Variants in OPHN1 observed in about 807,000 individuals in gnomAD.
OPHN1 encodes oligophrenin 1.
A neutral mutation model predicts 60.7 loss-of-function variants in OPHN1; 11 were observed. The observed-to-expected ratio is 0.18, with a 90% CI of 0.11 to 0.30. The LOEUF is 0.30. Ranked by LOEUF, OPHN1 falls within the 10% of genes least tolerant of loss-of-function variation. OPHN1 has a pLI of 1.00. For synonymous variants in OPHN1, 226 were observed against 222.6 expected (o/e 1.02, Z -0.14); for missense variants, 449 against 611.0 (o/e 0.73, Z 2.80).
At chrX:68,414,803 T>C (rs1432595855) in intron 2 of OPHN1, among the ~76,000 whole-genome samples, 1 of 111,848 alleles carries the variant, frequency 8.9e-6, no homozygotes, top group Non-Finnish European at 1.9e-5. Context: ...CCATTACCAT[T>C]ACTTGCTGAT....
rs778802726 is a variant in OPHN1 at position 68,426,932 on chromosome X, C to T, written c.154+5935G>A. Among the ~76,000 whole-genome samples the T allele has an allele frequency of 4.9e-5, 5 of 102,041 alleles. No individual in the cohort carries two copies. In the South Asian group the frequency reaches 2.3e-3, roughly 48 times the overall value. 88.6% of individuals were successfully genotyped at this position (102,041 alleles called of 115,157 possible). ...AAAACATACTTATAAAGCACATTAT[C>T]CTTGGTTTGGAAAAGGGTATTTAGA... On this transcript the variant is annotated intron_variant, in intron 2 of 24. Transcript: ENST00000355520.
At chrX:68,187,507 CAAAA>C (rs55901805) in intron 15 of OPHN1, among the ~76,000 whole-genome samples, 1 of 80,415 alleles carries the variant, frequency 1.2e-5, no homozygotes, top group Non-Finnish European at 2.5e-5. Context: ...CTGTCTTCTC[CAAAA>C]AAAAAAAAAA....
At chrX:68,117,621 A>G (rs768479456) in intron 16 of OPHN1, among the ~76,000 whole-genome samples, 11 of 112,010 alleles carry the variant, frequency 9.8e-5, no homozygotes, top group Middle Eastern at 4.6e-3. Flanking sequence ...TGAATGAGAG[A>G]GGATAAAAAT....
intron 2 of OPHN1, among the ~76,000 whole-genome samples, chrX:68,376,959 T>G (rs1417028786): frequency 9.6e-6 from 1 of 103,972 alleles, no homozygotes; most frequent in African/African-American, 3.5e-5. Context: ...AGATGGAGTC[T>G]CACTCTATCA....
At chrX:68,218,596 C>G (rs1488934077) in intron 6 of OPHN1, among the ~76,000 whole-genome samples, 1 of 110,318 alleles carries the variant, frequency 9.1e-6, no homozygotes, top group Non-Finnish European at 1.9e-5. Context: ...AGAAACCCTA[C>G]AAGCCAGAAG....
chrX:68,306,072 C>T (rs754381340), intron 2 of OPHN1, among the ~76,000 whole-genome samples: 1 of 112,196 alleles, frequency 8.9e-6, no homozygotes, highest in Non-Finnish European at 1.9e-5. Context: ...TGAATAAATT[C>T]TTCCACTCTT....
intron 15 of OPHN1, among the ~76,000 whole-genome samples, chrX:68,122,190 A>T (rs1050353947): frequency 8.9e-6 from 1 of 111,780 alleles, no homozygotes; most frequent in Non-Finnish European, 1.9e-5. Flanking sequence ...AGGAAAGAAA[A>T]CAAGAGTCTC....
intron 5 of OPHN1, among the ~76,000 whole-genome samples, chrX:68,260,659 T>C (rs1260333952): frequency 8.9e-6 from 1 of 111,886 alleles, no homozygotes; most frequent in Non-Finnish European, 1.9e-5. Context: ...GTAGTTATTA[T>C]TGTAAGGCTT....
At chrX:68,242,999 C>G (rs2077788940) in intron 5 of OPHN1, among the ~76,000 whole-genome samples, 1 of 111,092 alleles carries the variant, frequency 9.0e-6, no homozygotes, top group Admixed American at 9.6e-5. Context: ...TCCCACGTAG[C>G]TAGGACTACA....
intron 2 of OPHN1, among the ~76,000 whole-genome samples, chrX:68,397,524 ATTTTTTT>A (rs753432008): frequency 3.2e-5 from 1 of 31,558 alleles, no homozygotes; most frequent in Admixed American, 5.6e-4. Flanking sequence ...TTATTTATTT[ATTTTTTT>A]TTTTTTTTTG....
intron 2 of OPHN1, among the ~76,000 whole-genome samples, chrX:68,389,119 T>TC (rs1209147225): frequency 1.7e-5 from 1 of 59,185 alleles, no homozygotes; most frequent in Non-Finnish European, 4.5e-5. Flanking sequence ...CAACTCTGGC[T>TC]AATTTTTTTT....
At chrX:68,415,004 C>T (rs1321567924) in intron 2 of OPHN1, among the ~76,000 whole-genome samples, 1 of 112,272 alleles carries the variant, frequency 8.9e-6, no homozygotes, top group Non-Finnish European at 1.9e-5. Flanking sequence ...GTTTCTACTG[C>T]TCTCAAAAGG....
chrX:68,222,085 A>G (rs1429010929), intron 6 of OPHN1, among the ~76,000 whole-genome samples: 1 of 108,283 alleles, frequency 9.2e-6, no homozygotes, highest in Non-Finnish European at 1.9e-5. Flanking sequence ...TTTACAAGAA[A>G]AAAACAAACA....
chrX:68,109,707 T>C, intron 18 of OPHN1, among the ~76,000 whole-genome samples: 1 of 111,956 alleles, frequency 8.9e-6, no homozygotes, highest in East Asian at 2.8e-4. Flanking sequence ...AGCTAGCATA[T>C]TATAAACCTT....
At position 68,232,379 on chromosome X, in the gene OPHN1, C is replaced by G. The variant is rs747021832; in HGVS notation, c.486+2108G>C. ...TGCCTGGGGCAAAATGCAGAGGAAG[C>G]TAGGTAAAAGCTTCCAAAAGATCTC... On this transcript the variant is annotated intron_variant, in intron 6 of 24. Transcript: ENST00000355520. Among the ~76,000 whole-genome samples the G allele has an allele frequency of 4.5e-5, 5 of 111,586 alleles. No homozygotes were observed. In the South Asian group the frequency reaches 1.9e-3, roughly 43 times the overall value.
chrX:68,322,931 G>A (rs1602324796), intron 2 of OPHN1, among the ~76,000 whole-genome samples: 1 of 112,042 alleles, frequency 8.9e-6, no homozygotes, highest in East Asian at 2.8e-4. Flanking sequence ...GTCACATACT[G>A]TATGATTCCA....
chrX:68,081,614 C>A (rs1390632756), intron 19 of OPHN1, among the ~76,000 whole-genome samples: 2 of 111,470 alleles, frequency 1.8e-5, no homozygotes, highest in Non-Finnish European at 3.8e-5. Context: ...TAGCATGATT[C>A]CTAAAAATAA....
At chrX:68,268,833 T>TA (rs1214113156) in intron 5 of OPHN1, among the ~76,000 whole-genome samples, 1 of 111,715 alleles carries the variant, frequency 9.0e-6, no homozygotes, top group Non-Finnish European at 1.9e-5. Context: ...ATTGTATACC[T>TA]AAAAAACCGC....
chrX:68,269,117 C>A (rs191946878), intron 5 of OPHN1, among the ~76,000 whole-genome samples: 1 of 111,516 alleles, frequency 9.0e-6, no homozygotes, highest in East Asian at 2.8e-4. Context: ...AACATTCCAT[C>A]CTCATGGGTA....
Sources: gnomAD v4.1 joint callset for allele counts (sites outside exome capture counted in the v4.1 genomes callset) on GRCh38, gnomAD v4.1.1 for gene constraint, MANE v1.5 for transcripts, NCBI Gene and HGNC (gene_info 2026-07-23, HGNC 2026-07-21) for gene names.